FKBP8: variants seen among roughly 807,000 people sequenced by gnomAD.
FKBP8 encodes the protein FKBP prolyl isomerase 8.
A neutral mutation model predicts 41.7 loss-of-function variants in FKBP8; 5 were observed. The ratio of observed to expected loss-of-function variants is 0.12; its 90% CI spans 0.06 to 0.25. The LOEUF (loss-of-function observed/expected upper bound fraction) is 0.25. FKBP8 is among the 10% of genes least tolerant of loss of function. The probability of loss-of-function intolerance (pLI) is 1.00; values close to 1 mark genes in which losing one functional copy is unlikely to be tolerated. For synonymous variants in FKBP8, 279 were observed against 254.5 expected, an observed-to-expected ratio of 1.10 and a Z score of -0.92; for missense variants, 397 against 563.0, an observed-to-expected ratio of 0.71 and a Z score of 2.98.
In FKBP8 at chr19:18,537,724, C is replaced by T. The variant is rs768545278; in HGVS notation, c.822G>A (p.Lys274=). 1.2e-6 allele frequency: 2 copies of T among 1,613,922 alleles called. No individual in the cohort carries two copies. The highest frequency in any genetic ancestry group is 1.3e-5 in the African/African-American group (1 of 74,946). Residue 274 remains lysine (K), a synonymous_variant, in exon 6 of 9, where the codon AAG becomes AAA. Coordinates refer to ENST00000608443, the MANE Select transcript of FKBP8 (RefSeq NM_012181.5). The surrounding 1 kb of genome is among the most constrained non-coding windows in gnomAD (Gnocchi z 4.4). ...EEAQLLQLKV[K]CLNNLAASQL... is the part of the protein sequence containing the mutation. The stretch of plus-strand genomic sequence containing the variant: ...GCGAGGCCGCCAGGTTGTTCAGACA[C>T]TTCACCTTCAACTGCAGGAGCTGTG...
intron 6 of FKBP8, among the ~76,000 whole-genome samples, chr19:18,534,240 GCA>G (rs1276603679): frequency 7.9e-5 from 12 of 151,796 alleles, no homozygotes; most frequent in East Asian, 2.0e-4. Context: ...CCAGGAGGCA[GCA>G]CTTGCAGTGA....
chr19:18,539,012 C>T (rs546236036), intron 4 of FKBP8, among the ~76,000 whole-genome samples: 8 of 151,940 alleles, frequency 5.3e-5, no homozygotes, highest in Non-Finnish European at 7.4e-5. Context: ...GACGGGGTTT[C>T]ACCGTGCTAG....
At chr19:18,532,879 T>C in intron 7 of FKBP8, 84 bp from the exon 8 acceptor site, 1 of 1,561,848 alleles carries the variant, frequency 6.4e-7, no homozygotes, top group Non-Finnish European at 8.7e-7. Context: ...CCTAGGCTGT[T>C]TGGGTGGTGG....
At chr19:18,541,532 T>G (rs550050727) in intron 2 of FKBP8, 147 bp downstream of exon 2, 1 of 1,121,564 alleles carries the variant, frequency 8.9e-7, no homozygotes, top group Non-Finnish European at 1.3e-6. Context: ...AGTACATCAA[T>G]GTGAAGCATC....
chr19:18,537,553 G>A lies in FKBP8; in HGVS notation c.945+48C>T, dbSNP rs191114072. The A allele has an allele frequency of 5.1e-5, 78 of 1,522,958 alleles. 1 individual carries two copies. In the South Asian group the frequency reaches 6.4e-4, roughly 13 times the overall value. The allele number at this position is 1,522,958 out of a possible 1,614,324, so 94.3% of individuals were successfully genotyped here. ...CAAATGCAGGGTTGGGGACCACCCC[G>A]TATACCCCAGGCTGAGTGACCCGGC... On this transcript the variant is annotated intron_variant, in intron 6 of 8. Coordinates refer to ENST00000608443, the MANE Select transcript of FKBP8 (RefSeq NM_012181.5). This position sits in a 1 kb window ranked among gnomAD's most constrained non-coding sequence, Gnocchi z 4.4.
Position 18,538,808 on chromosome 19 carries a change from C to A in FKBP8, c.552-372G>T, listed in dbSNP as rs1247384624. Among the ~76,000 whole-genome samples the A allele has an allele frequency of 2.0e-5, 2 of 102,206 alleles. No individual in the cohort carries two copies. The highest frequency in any genetic ancestry group is 3.6e-5 in the Non-Finnish European group (2 of 55,794). 67.1% of individuals were successfully genotyped at this position (102,206 alleles called of 152,430 possible). A position where few individuals can be genotyped will look rare whatever the true frequency, so the allele number is the denominator to read the frequency against. ...GACTACAGGTGTGCACCACACCCAG[C>A]TTTTTTTTTTTTTTTTTTTTTTTTT... On this transcript the variant is annotated intron_variant, in intron 4 of 8. Coordinates refer to ENST00000608443, the MANE Select transcript of FKBP8 (RefSeq NM_012181.5). The surrounding 1 kb of genome is among the most constrained non-coding windows in gnomAD (Gnocchi z 4.0).
At chr19:18,532,934 G>A (rs1976482937) in intron 7 of FKBP8, 139 bp from the exon 8 acceptor site, 1 of 1,381,352 alleles carries the variant, frequency 7.2e-7, no homozygotes, top group Non-Finnish European at 9.6e-7. Flanking sequence ...TCTGGGCTTA[G>A]CAAAGTCAGG....
chr19:18,543,074 G>A, intron 1 of FKBP8: 1 of 291,258 alleles, frequency 3.4e-6, no homozygotes, highest in Admixed American at 5.2e-5. Flanking sequence ...AGTGTCCCCA[G>A]ACGCCCCCCC....
intron 2 of FKBP8, 107 bp from the exon 3 acceptor site, chr19:18,539,827 G>A: frequency 1.5e-6 from 2 of 1,367,756 alleles, no homozygotes; most frequent in Middle Eastern, 1.9e-4. Flanking sequence ...GCTGTCCAGA[G>A]GGGGCTGGCC....
rs1568412345 is a variant in FKBP8 at position 18,541,996 on chromosome 19, C to T, written c.-25-1G>A. 1 of 1,606,486 alleles carries T rather than the reference C, an allele frequency of 6.2e-7. No homozygotes were observed. The highest frequency in any genetic ancestry group is 8.5e-7 in the Non-Finnish European group (1 of 1,175,674). The stretch of plus-strand genomic sequence containing the variant: ...GCTGCTGGGGGGACAGGAATTGGCC[C>T]TGGAAGTGGGGGGCAGAGATGTGGG... On this transcript the variant is annotated splice_acceptor_variant, in intron 1 of 8. Coordinates refer to ENST00000608443, the MANE Select transcript of FKBP8 (RefSeq NM_012181.5). LOFTEE classifies it low-confidence loss of function (5UTR_SPLICE).
At chr19:18,533,005 A>G (rs549703926) in intron 7 of FKBP8, 13 of 835,356 alleles carry the variant, frequency 1.6e-5, no homozygotes, top group Non-Finnish European at 2.3e-5. Context: ...GGTAGCCAGG[A>G]GACAAAAGGT....
In FKBP8 at chr19:18,540,001, G is replaced by T. The variant is rs1478866971; in HGVS notation, c.293-281C>A. Among the ~76,000 whole-genome samples the T allele has an allele frequency of 6.2e-5, 9 of 144,896 alleles. No homozygotes were observed. In the East Asian group the frequency reaches 1.0e-3, roughly 16 times the overall value. ...GTTGGTCTGGTTTTTTTGTTTTTTT[G>T]TTTTTTTTTTTTAAGAAAACTGAGA... is the stretch of plus-strand genomic sequence containing the variant. On this transcript the variant is annotated intron_variant, in intron 2 of 8. Coordinates refer to ENST00000608443, the MANE Select transcript of FKBP8 (RefSeq NM_012181.5).
intron 6 of FKBP8, among the ~76,000 whole-genome samples, chr19:18,534,132 C>T (rs887249513): frequency 2.7e-5 from 4 of 149,538 alleles, no homozygotes; most frequent in African/African-American, 9.9e-5. Context: ...GGTGAAACTC[C>T]GTCTCTACTA....
At chr19:18,532,618 G>C in intron 8 of FKBP8, 46 bp downstream of exon 8, 1 of 1,603,366 alleles carries the variant, frequency 6.2e-7, no homozygotes, top group South Asian at 1.1e-5. Context: ...CCCTCTGCTA[G>C]GCGTGCCCTG....
Position 18,532,691 on chromosome 19 carries a change from A to C in FKBP8, c.1128T>G (p.Pro376=). 6.2e-7 allele frequency: 1 copy of C among 1,614,042 alleles called. No individual in the cohort carries two copies. Among genetic ancestry groups the C allele is most frequent in the South Asian group, 1.1e-5 (1 of 91,076 alleles). The change falls in exon 8 of 9, where the codon CCT becomes CCG. Residue 376 remains proline (P), a synonymous_variant. Transcript: ENST00000608443. ...AGGCACCCTTGCCAGGGCACTTAGC[A>C]GGCAGCCGGCTGGGGTTGCCCAGCA... is the stretch of plus-strand genomic sequence containing the variant. ...RKMLGNPSRL[P]AKCPGKGAWS... is the part of the protein sequence containing the mutation.
In FKBP8 at chr19:18,542,110, C is replaced by T. The variant is rs528737936; in HGVS notation, c.-25-115G>A. On this transcript the variant is annotated intron_variant, in intron 1 of 8. Transcript: ENST00000608443. ...TCTGTGTAACTCAAGGGCTCCAGGC[C>T]TCAGTTTCCTCATCTATACAGTGGG... The T allele has an allele frequency of 1.9e-4, 269 of 1,417,834 alleles. No individual in the cohort carries two copies. In the African/African-American group the frequency reaches 2.7e-3, roughly 14 times the overall value. The allele number at this position is 1,417,834 out of a possible 1,614,324, so 87.8% of individuals were successfully genotyped here. A position where few individuals can be genotyped will look rare whatever the true frequency, so the allele number is the denominator to read the frequency against.
chr19:18,538,385 C>T lies in FKBP8; in HGVS notation c.603G>A (p.Leu201=). The change falls in exon 5 of 9, where the codon CTG becomes CTA. Residue 201 remains leucine (L), a synonymous_variant. Coordinates refer to ENST00000608443, the MANE Select transcript of FKBP8 (RefSeq NM_012181.5). The surrounding 1 kb of genome is among the most constrained non-coding windows in gnomAD (Gnocchi z 4.0). ...PHAALCLEVT[L]KTAVDGPDLE... ...GGTCAGGCCCGTCCACAGCCGTCTT[C>T]AGGGTCACCTCCAGGCACAGGGCCG... 6.2e-7 allele frequency: 1 copy of T among 1,613,586 alleles called. No individual in the cohort carries two copies. Among genetic ancestry groups the T allele is most frequent in the Non-Finnish European group, 8.5e-7 (1 of 1,179,992 alleles).
Position 18,538,196 on chromosome 19 carries a change from G to T in FKBP8, c.772+20C>A, listed in dbSNP as rs1039029432. 2 of 1,588,648 alleles carry T rather than the reference G, an allele frequency of 1.3e-6. No homozygotes were observed. Among genetic ancestry groups the T allele is most frequent in the African/African-American group, 2.7e-5 (2 of 74,578 alleles). On this transcript the variant is annotated intron_variant, in intron 5 of 8. Transcript: ENST00000608443. This position sits in a 1 kb window ranked among gnomAD's most constrained non-coding sequence, Gnocchi z 4.0. ...ACACCTTTGCAGGGGAGATGGTGGA[G>T]ATCTGACCCAGGCGGTCACCTTTGG...
At chr19:18,539,260 C>T in intron 4 of FKBP8, 111 bp downstream of exon 4, 2 of 975,186 alleles carry the variant, frequency 2.1e-6, no homozygotes, top group Non-Finnish European at 3.1e-6. Context: ...CACCCAGCCT[C>T]AGTTTCTTGT....
Sources: allele counts gnomAD v4.1 joint callset (sites outside exome capture counted in the v4.1 genomes callset), GRCh38; gene constraint gnomAD v4.1.1; non-coding constraint Gnocchi (gnomAD v3.1); transcripts MANE v1.5; gene names NCBI Gene and HGNC (gene_info 2026-07-23, HGNC 2026-07-21).